ENOX1: variants seen among roughly 807,000 people sequenced by gnomAD.
The protein encoded by ENOX1 is candidate growth-related and time keeping constitutive hydroquinone (NADH) oxidase.
In ENOX1, 42 loss-of-function variants were observed where a neutral mutation model predicts 82.5. That is an observed-to-expected ratio of 0.51 (90% CI 0.40 to 0.66). The LOEUF (loss-of-function observed/expected upper bound fraction) is 0.66. Ranked by LOEUF, ENOX1 falls within the 30% of genes least tolerant of loss-of-function variation. The pLI, the probability that ENOX1 is intolerant of heterozygous loss-of-function variation, is 0.00. For missense variants in ENOX1, 608 were observed against 811.6 expected (o/e 0.75, Z 3.05); for synonymous variants, 271 against 282.2 (o/e 0.96, Z 0.40).
chr13:43,756,254 C>A (rs1289603022), intron 1 of ENOX1, among the ~76,000 whole-genome samples: 2 of 151,906 alleles, frequency 1.3e-5, no homozygotes, highest in Non-Finnish European at 2.9e-5. Flanking sequence ...TGGCAAAACC[C>A]CATCTCTACA....
chr13:43,247,860 TATATATATA>T (rs2043194453), intron 14 of ENOX1, among the ~76,000 whole-genome samples: 74 of 3,946 alleles, frequency 0.019, 10 homozygotes, highest in Non-Finnish European at 0.031. Flanking sequence ...TATATATATA[TATATATATA>T]TATATATATA....
intron 2 of ENOX1, among the ~76,000 whole-genome samples, chr13:43,529,736 G>A (rs1358246128): frequency 3.9e-5 from 6 of 152,020 alleles, no homozygotes; most frequent in Non-Finnish European, 8.8e-5. Flanking sequence ...ACATCCCCTT[G>A]GTTAAGGGGG....
At chr13:43,656,929 A>G (rs2084463777) in intron 2 of ENOX1, among the ~76,000 whole-genome samples, 1 of 152,240 alleles carries the variant, frequency 6.6e-6, no homozygotes, top group South Asian at 2.1e-4. Flanking sequence ...ATCTATATTT[A>G]TCATGAATTT....
intron 2 of ENOX1, among the ~76,000 whole-genome samples, chr13:43,612,562 G>A (rs190221674): frequency 2.6e-5 from 4 of 152,038 alleles, no homozygotes; most frequent in Admixed American, 6.6e-5. Context: ...TTCCAAAAGC[G>A]AAAAGTAAAG....
At chr13:43,767,097 G>A (rs1013957668) in intron 1 of ENOX1, among the ~76,000 whole-genome samples, 4 of 152,060 alleles carry the variant, frequency 2.6e-5, no homozygotes, top group Non-Finnish European at 4.4e-5. Context: ...TGAAGGATAC[G>A]ATATGAAATT....
chr13:43,255,826 A>G (rs2043714367), intron 14 of ENOX1, among the ~76,000 whole-genome samples: 1 of 152,184 alleles, frequency 6.6e-6, no homozygotes, highest in Non-Finnish European at 1.5e-5. Context: ...TGATATTGTT[A>G]AAAAGGTCAA....
chr13:43,622,175 T>C (rs959324184), intron 2 of ENOX1, among the ~76,000 whole-genome samples: 4 of 152,360 alleles, frequency 2.6e-5, no homozygotes, highest in Admixed American at 6.5e-5. Flanking sequence ...TTTCCTTGCA[T>C]TGGGCTTCAC....
intron 2 of ENOX1, among the ~76,000 whole-genome samples, chr13:43,590,192 C>T (rs2081181953): frequency 6.6e-6 from 1 of 151,862 alleles, no homozygotes; most frequent in South Asian, 2.1e-4. Flanking sequence ...AAAAAGAAAG[C>T]TTTTGAAACA....
chr13:43,263,226 G>T (rs1454200659), intron 14 of ENOX1, among the ~76,000 whole-genome samples: 2 of 152,208 alleles, frequency 1.3e-5, no homozygotes, highest in Non-Finnish European at 2.9e-5. Context: ...AACAGGCAGT[G>T]ATTGTAAAGA....
intron 8 of ENOX1, among the ~76,000 whole-genome samples, chr13:43,352,539 T>C (rs2049875763): frequency 6.6e-6 from 1 of 152,220 alleles, no homozygotes. Context: ...AGTGTAATTA[T>C]GGTGTTATTG....
chr13:43,610,129 A>G (rs1479415165), intron 2 of ENOX1, among the ~76,000 whole-genome samples: 4 of 152,210 alleles, frequency 2.6e-5, no homozygotes, highest in Non-Finnish European at 4.4e-5. Flanking sequence ...TTAGCACATG[A>G]TATCTACCAT....
chr13:43,249,516 C>T (rs1241462236), intron 14 of ENOX1, among the ~76,000 whole-genome samples: 1 of 152,096 alleles, frequency 6.6e-6, no homozygotes, highest in Admixed American at 6.5e-5. Context: ...GATACTAACT[C>T]TATTGCTGGT....
chr13:43,357,869 A>G (rs1008877547), intron 7 of ENOX1, among the ~76,000 whole-genome samples: 47 of 152,274 alleles, frequency 3.1e-4, no homozygotes, highest in Non-Finnish European at 5.7e-4. Context: ...GCCCACAAAC[A>G]GGAGGGGCCG....
intron 1 of ENOX1, among the ~76,000 whole-genome samples, chr13:43,706,701 T>C (rs2087312696): frequency 1.2e-5 from 1 of 80,640 alleles, no homozygotes; most frequent in Non-Finnish European, 3.1e-5. Context: ...ATTGAGCACA[T>C]GATCAAGAAA....
At chr13:43,732,540 T>G (rs1048035667) in intron 1 of ENOX1, among the ~76,000 whole-genome samples, 3 of 152,204 alleles carry the variant, frequency 2.0e-5, no homozygotes, top group Non-Finnish European at 4.4e-5. Flanking sequence ...AGCCACCTAC[T>G]ATTTTTAAAA....
chr13:43,395,256 C>T (rs1404518592), intron 5 of ENOX1, among the ~76,000 whole-genome samples: 2 of 152,198 alleles, frequency 1.3e-5, no homozygotes, highest in Non-Finnish European at 2.9e-5. Context: ...GTGGCTCACA[C>T]CTATAATCCT....
chr13:43,277,041 G>T lies in ENOX1; in HGVS notation c.1447-7464C>A, dbSNP rs57065863. ...CTGCCTCAGGCATGGTGACCCCTGGGGGAGAAACATCTCTTGGAGAGAACT... is the reference window on the plus strand; with the variant it reads ...CTGCCTCAGGCATGGTGACCCCTGGTGGAGAAACATCTCTTGGAGAGAACT... On this transcript the variant is annotated intron_variant, in intron 12 of 16. Transcript: ENST00000690772. Among the ~76,000 whole-genome samples the T allele has an allele frequency of 3.4e-4, 52 of 152,208 alleles. 2 individuals carry two copies. In the East Asian group the frequency reaches 9.9e-3, roughly 29 times the overall value.
chr13:43,677,164 T>C (rs939324132), intron 1 of ENOX1, among the ~76,000 whole-genome samples: 3 of 152,072 alleles, frequency 2.0e-5, no homozygotes, highest in Non-Finnish European at 4.4e-5. Context: ...GTCAATGAGA[T>C]TGGCAGAGAA....
At chr13:43,598,787 G>A (rs1399700831) in intron 2 of ENOX1, among the ~76,000 whole-genome samples, 4 of 119,238 alleles carry the variant, frequency 3.4e-5, no homozygotes, top group African/African-American at 1.3e-4. Context: ...TTAAAAACAC[G>A]TTGTTTAGAA....
Sources: allele counts gnomAD v4.1 joint callset (sites outside exome capture counted in the v4.1 genomes callset), GRCh38; gene constraint gnomAD v4.1.1; transcripts MANE v1.5; gene names NCBI Gene and HGNC (gene_info 2026-07-23, HGNC 2026-07-21).